The following ABAT variants were observed in gnomAD, a reference collection of about 807,000 sequenced individuals.
ABAT encodes 4-aminobutyrate aminotransferase, mitochondrial.
A neutral mutation model predicts 64.6 loss-of-function variants in ABAT; 45 were observed. The observed-to-expected ratio is 0.70, with a 90% CI of 0.55 to 0.89. ABAT has a LOEUF of 0.89. ABAT is among the 40% of genes least tolerant of loss of function. The pLI, the probability that ABAT is intolerant of heterozygous loss-of-function variation, is 0.00. For synonymous variants in ABAT, 297 were observed against 250.5 expected (o/e 1.19, Z -1.75); for missense variants, 633 against 658.4 (o/e 0.96, Z 0.42).
chr16:8,753,908 A>G (rs1189807600), intron 5 of ABAT, among the ~76,000 whole-genome samples: 6 of 152,116 alleles, frequency 3.9e-5, no homozygotes, highest in Non-Finnish European at 5.9e-5. Context: ...GGGTGATGCC[A>G]GGTCTTTAAT....
intron 6 of ABAT, among the ~76,000 whole-genome samples, chr16:8,759,413 G>C (rs532450980): frequency 6.6e-6 from 1 of 151,712 alleles, no homozygotes; most frequent in South Asian, 2.1e-4. Flanking sequence ...GTTGTAATGA[G>C]GAATCAGAAC....
At position 8,781,167 on chromosome 16, in the gene ABAT, C is replaced by T. The variant is rs1255059773; in HGVS notation, c.1382-142C>T. The T allele has an allele frequency of 7.4e-7, 1 of 1,350,246 alleles. No individual in the cohort carries two copies. Among genetic ancestry groups the T allele is most frequent in the Non-Finnish European group, 1.1e-6 (1 of 949,540 alleles). The allele number at this position is 1,350,246 out of a possible 1,614,324, so 83.6% of individuals were successfully genotyped here. On this transcript the variant is annotated intron_variant, in intron 15 of 15. Transcript: ENST00000268251. This position sits in a 1 kb window ranked among gnomAD's most constrained non-coding sequence, Gnocchi z 4.5. ...GGATGGGTGGGTGGTAGGAAGGAAG[C>T]CCGGGCTTCCATGATGGAGGATGAT...
intron 1 of ABAT, among the ~76,000 whole-genome samples, chr16:8,732,459 A>G (rs999525963): frequency 6.6e-6 from 1 of 150,768 alleles, no homozygotes. Context: ...TCTGTTTAAC[A>G]AAGCACATCT....
intron 1 of ABAT, among the ~76,000 whole-genome samples, chr16:8,689,410 G>A (rs945391410): frequency 2.0e-5 from 3 of 152,118 alleles, no homozygotes; most frequent in South Asian, 2.1e-4. Flanking sequence ...GCATTGCCTC[G>A]TTGCCCTCTA....
chr16:8,755,289 G>A (rs1461240412), intron 5 of ABAT, among the ~76,000 whole-genome samples: 2 of 152,052 alleles, frequency 1.3e-5, no homozygotes, highest in Admixed American at 1.3e-4. Flanking sequence ...AAAGTGTCCC[G>A]GGCCTGTGGA....
At chr16:8,712,738 C>A (rs1370610183) in intron 1 of ABAT, 1 of 152,072 alleles carries the variant, frequency 6.6e-6, no homozygotes, top group South Asian at 2.1e-4. Context: ...CCGAGGATGC[C>A]GGTATCTGGC....
chr16:8,742,865 CA>C (rs71152927), intron 2 of ABAT, among the ~76,000 whole-genome samples: 113 of 96,972 alleles, frequency 1.2e-3, no homozygotes, highest in African/African-American at 2.2e-3. Context: ...GACCCTGTCT[CA>C]AAAAAAAAAA....
chr16:8,779,724 T>A, intron 15 of ABAT, 134 bp downstream of exon 15: 1 of 724,108 alleles, frequency 1.4e-6, no homozygotes, highest in South Asian at 1.5e-5. Context: ...AGAGCCTGAA[T>A]GCTCTTTCTC....
At chr16:8,697,900 G>C (rs1007142944) in intron 1 of ABAT, among the ~76,000 whole-genome samples, 2 of 152,188 alleles carry the variant, frequency 1.3e-5, no homozygotes, top group African/African-American at 4.8e-5. Context: ...GCCTCCCAAA[G>C]TGCTGGGATC....
chr16:8,757,628 A>T, intron 5 of ABAT, 129 bp from the exon 6 acceptor site: 1 of 1,049,014 alleles, frequency 9.5e-7, no homozygotes, highest in East Asian at 2.5e-5. Flanking sequence ...TCAACAAAGG[A>T]TAAAAGACCC....
chr16:8,732,800 G>A (rs2058773833), intron 1 of ABAT, among the ~76,000 whole-genome samples: 1 of 149,934 alleles, frequency 6.7e-6, no homozygotes. Context: ...AGGGGCGGCC[G>A]GGCAGAGGCG....
chr16:8,744,198 G>T (rs564466272), intron 2 of ABAT, among the ~76,000 whole-genome samples: 1 of 152,270 alleles, frequency 6.6e-6, no homozygotes, highest in South Asian at 2.1e-4. Context: ...TTAAAGAAAA[G>T]AGGTTTAATT....
intron 1 of ABAT, among the ~76,000 whole-genome samples, chr16:8,682,642 G>A (rs571473858): frequency 1.3e-5 from 2 of 152,100 alleles, no homozygotes; most frequent in Non-Finnish European, 2.9e-5. Flanking sequence ...CAGAGGTCCC[G>A]TAATCTTCAC....
intron 10 of ABAT, among the ~76,000 whole-genome samples, chr16:8,768,568 C>T (rs768799493): frequency 1.3e-5 from 2 of 152,118 alleles, no homozygotes; most frequent in African/African-American, 2.4e-5. Flanking sequence ...ATTAAGGGTT[C>T]GAGAGTCCCC....
intron 12 of ABAT, among the ~76,000 whole-genome samples, chr16:8,774,274 C>A (rs1448020293): frequency 1.3e-5 from 2 of 152,094 alleles, no homozygotes; most frequent in African/African-American, 4.8e-5. Context: ...ATTCATCCAT[C>A]GATGGACAGA....
chr16:8,684,915 C>T (rs1266755315), intron 1 of ABAT, among the ~76,000 whole-genome samples: 1 of 152,062 alleles, frequency 6.6e-6, no homozygotes, highest in African/African-American at 2.4e-5. Context: ...CAGAGGCAAA[C>T]ATGGTTGGAC....
In ABAT at chr16:8,730,803, G is replaced by A. The variant is rs111861231; in HGVS notation, c.-41-4896G>A. Among the ~76,000 whole-genome samples, 1,244 of 152,256 alleles carry A rather than the reference G, an allele frequency of 8.2e-3. 4 individuals carry two copies. The highest frequency in any genetic ancestry group is 0.024 in the Middle Eastern group (7 of 294). On this transcript the variant is annotated intron_variant, in intron 1 of 15. Coordinates refer to ENST00000268251, the MANE Select transcript of ABAT (RefSeq NM_020686.6). ...CAATAAATCCATGCATTAGGCACAA[G>A]CCAGGACTCCTGAGCCAGATATCTC...
chr16:8,717,018 G>A (rs993382351), intron 1 of ABAT, among the ~76,000 whole-genome samples: 1 of 152,170 alleles, frequency 6.6e-6, no homozygotes, highest in South Asian at 2.1e-4. Context: ...GGCCGGGCAC[G>A]GTAGCTCGCG....
chr16:8,699,457 T>C (rs1475957949), intron 1 of ABAT, among the ~76,000 whole-genome samples: 1 of 151,978 alleles, frequency 6.6e-6, no homozygotes, highest in Non-Finnish European at 1.5e-5. Context: ...ACTTAGGAGG[T>C]TGAGTCAGGA....
Sources: allele counts gnomAD v4.1 joint callset (sites outside exome capture counted in the v4.1 genomes callset), GRCh38; gene constraint gnomAD v4.1.1; non-coding constraint Gnocchi (gnomAD v3.1); transcripts MANE v1.5; gene names NCBI Gene and HGNC (gene_info 2026-07-23, HGNC 2026-07-21).